Variants in RANBP2 observed in about 807,000 individuals in gnomAD.
RANBP2 encodes the protein E3 SUMO-protein ligase RanBP2.
RANBP2 carries 57 observed loss-of-function variants against 303.6 expected under a neutral mutation model. The observed-to-expected ratio is 0.19, with a 90% confidence interval of 0.15 to 0.23. The LOEUF is 0.23. Ranked by LOEUF, RANBP2 falls within the 10% of genes least tolerant of loss-of-function variation. RANBP2 has a pLI of 1.00. For synonymous variants in RANBP2, 1,167 were observed against 1,301.5 expected, an observed-to-expected ratio of 0.90 and a Z score of 2.23; for missense variants, 3,138 against 3,780.8, an observed-to-expected ratio of 0.83 and a Z score of 4.46.
chr2:109,180,019 A>C, the RANBP2 span, among the ~76,000 whole-genome samples: 2 of 151,902 alleles, frequency 1.3e-5, no homozygotes, highest in Admixed American at 1.3e-4. Context: ...CATTCAAATT[A>C]CCTCAAGTGG....
At chr2:109,636,956 G>A in the RANBP2 span, among the ~76,000 whole-genome samples, 591 of 152,242 alleles carry the variant, frequency 3.9e-3, 6 homozygotes, top group African/African-American at 0.013. Context: ...GGGCCCAGGG[G>A]ACCAGCGCTC....
chr2:109,165,121 C>G, the RANBP2 span, among the ~76,000 whole-genome samples: 1 of 152,196 alleles, frequency 6.6e-6, no homozygotes, highest in East Asian at 1.9e-4. Context: ...GGCTTCCCCC[C>G]TCCTTTAGTA....
At chr2:109,419,684 C>T in the RANBP2 span, 3 of 1,531,380 alleles carry the variant, frequency 2.0e-6, no homozygotes, top group Non-Finnish European at 2.6e-6. Context: ...GTGCCTGCAG[C>T]CCTCCCTCCT....
At chr2:109,510,934 T>C in the RANBP2 span, among the ~76,000 whole-genome samples, 1 of 152,146 alleles carries the variant, frequency 6.6e-6, no homozygotes, top group Non-Finnish European at 1.5e-5. Flanking sequence ...AGATGGCAAG[T>C]GCGTGTTAAG....
chr2:109,293,305 T>A, the RANBP2 span, among the ~76,000 whole-genome samples: 2 of 152,216 alleles, frequency 1.3e-5, no homozygotes, highest in Non-Finnish European at 1.5e-5. Flanking sequence ...GCGAAGGAGT[T>A]TGGATGACAA....
the RANBP2 span, among the ~76,000 whole-genome samples, chr2:109,412,769 A>G: frequency 2.6e-5 from 4 of 152,166 alleles, no homozygotes; most frequent in African/African-American, 7.2e-5. Context: ...AGATTAAAAA[A>G]TAATAAAATT....
chr2:108,726,216 C>G (rs1694692348), intron 1 of RANBP2, among the ~76,000 whole-genome samples: 1 of 152,208 alleles, frequency 6.6e-6, no homozygotes, highest in Non-Finnish European at 1.5e-5. Flanking sequence ...CAAGTCATCC[C>G]TTTGTCCGAC....
the RANBP2 span, among the ~76,000 whole-genome samples, chr2:108,968,964 C>A: frequency 6.6e-6 from 1 of 152,292 alleles, no homozygotes; most frequent in Non-Finnish European, 1.5e-5. Context: ...CTCTGTGGGA[C>A]CTTAAGCAGT....
the RANBP2 span, among the ~76,000 whole-genome samples, chr2:109,097,759 G>C: frequency 6.6e-6 from 1 of 151,558 alleles, no homozygotes; most frequent in Non-Finnish European, 1.5e-5. Context: ...GTGTGTGTGT[G>C]TGTGTGTGTG....
rs375199174 is a variant in RANBP2, at chr2:108,731,393, T to A, written c.324T>A (p.Asp108Glu). ...LKIAELLCKN[D>E]VTDGRAKYWL... ...TTGCAGAATTGCTTTGTAAAAATGA[T>A]GTTACTGATGGAAGAGCAAAATACT... Residue 108 changes from aspartate to glutamate, a missense_variant, in exon 4 of 29, where the codon GAT becomes GAA. This residue lies in a region of RANBP2 where 306 missense variants were observed against 381.9 expected (regional missense o/e 0.80). Coordinates refer to ENST00000283195, the MANE Select transcript of RANBP2 (RefSeq NM_006267.5). 2.5e-6 allele frequency: 4 copies of A among 1,611,560 alleles called. No individual in the cohort carries two copies. In the Admixed American group the frequency reaches 5.0e-5, roughly 20 times the overall value.
the RANBP2 span, among the ~76,000 whole-genome samples, chr2:109,569,513 G>A: frequency 1.9e-4 from 29 of 150,272 alleles, no homozygotes; most frequent in South Asian, 5.9e-3. Flanking sequence ...TCACATTGAT[G>A]CCAAGTATAT....
At chr2:108,736,315 T>C (rs1695582379) in intron 6 of RANBP2, 66 bp downstream of exon 6, 2 of 1,610,908 alleles carry the variant, frequency 1.2e-6, no homozygotes, top group Non-Finnish European at 1.7e-6. Context: ...GTAAGTTCAT[T>C]GCTCTAAACT....
At chr2:109,761,914 G>A in the RANBP2 span, among the ~76,000 whole-genome samples, 18 of 151,566 alleles carry the variant, frequency 1.2e-4, no homozygotes, top group African/African-American at 4.4e-4. Flanking sequence ...ACATGAATAT[G>A]CAATGTACAA....
At chr2:109,398,835 C>T in the RANBP2 span, 7 of 1,613,956 alleles carry the variant, frequency 4.3e-6, no homozygotes, top group Non-Finnish European at 5.1e-6. Context: ...CTGCCAGCCA[C>T]AGGCATTCCA....
At chr2:108,934,296 C>T in the RANBP2 span, among the ~76,000 whole-genome samples, 1 of 152,140 alleles carries the variant, frequency 6.6e-6, no homozygotes, top group Admixed American at 6.5e-5. Flanking sequence ...TCTCAGACTG[C>T]AGATACAGGC....
chr2:109,068,402 C>T, the RANBP2 span, among the ~76,000 whole-genome samples: 1 of 152,168 alleles, frequency 6.6e-6, no homozygotes, highest in African/African-American at 2.4e-5. Context: ...AAACCCGCAT[C>T]CAGACTGTAA....
At chr2:108,886,434 A>G in the RANBP2 span, among the ~76,000 whole-genome samples, 1 of 152,016 alleles carries the variant, frequency 6.6e-6, no homozygotes, top group East Asian at 1.9e-4. Context: ...ATTTTTTTTG[A>G]GACGGAGTCT....
chr2:108,941,813 GCAAGGGCA>G, the RANBP2 span, among the ~76,000 whole-genome samples: 1 of 152,178 alleles, frequency 6.6e-6, no homozygotes, highest in East Asian at 1.9e-4. Context: ...CCCTCACTAC[GCAAGGGCA>G]CTTCTGCCCT....
At chr2:109,251,972 A>G in the RANBP2 span, among the ~76,000 whole-genome samples, 2 of 152,132 alleles carry the variant, frequency 1.3e-5, no homozygotes, top group Admixed American at 6.5e-5. Context: ...ACTGAACACA[A>G]TGGCTCACGA....
Sources: gnomAD v4.1 joint callset for allele counts (sites outside exome capture counted in the v4.1 genomes callset) on GRCh38, gnomAD v4.1.1 for gene constraint, gnomAD v4.1.1 regional missense constraint, MANE v1.5 for transcripts, NCBI Gene and HGNC (gene_info 2026-07-23, HGNC 2026-07-21) for gene names.